Variants in SRSF4 observed in about 807,000 individuals in gnomAD.
SRSF4 encodes the protein serine and arginine rich splicing factor 4.
Under a neutral mutation model 48.8 loss-of-function variants are expected in SRSF4, and 12 were observed. The observed-to-expected ratio is 0.25, with a 90% CI of 0.16 to 0.40. SRSF4 has a LOEUF of 0.40. SRSF4 is among the 10% of genes least tolerant of loss of function. SRSF4 has a pLI of 1.00. For synonymous variants in SRSF4, 248 were observed against 232.5 expected (o/e 1.07, Z -0.61); for missense variants, 466 against 667.1 (o/e 0.70, Z 3.32).
chr1:29,167,043 C>G (rs559963948), intron 1 of SRSF4: 48 of 152,342 alleles, frequency 3.2e-4, no homozygotes, highest in African/African-American at 1.2e-3. Flanking sequence ...CTGCCAAGTT[C>G]TGCAGTTTTC....
intron 3 of SRSF4, among the ~76,000 whole-genome samples, chr1:29,158,753 TAAC>T (rs1672544286): frequency 6.6e-6 from 1 of 151,972 alleles, no homozygotes; most frequent in African/African-American, 2.4e-5. Flanking sequence ...CCAGTCGGGG[TAAC>T]ATAGTGACAA....
At chr1:29,179,509 G>A (rs753807119) in intron 1 of SRSF4, among the ~76,000 whole-genome samples, 9 of 152,076 alleles carry the variant, frequency 5.9e-5, no homozygotes, top group Non-Finnish European at 1.2e-4. Context: ...ATAGGCGAGT[G>A]TCACCACGCG....
intron 5 of SRSF4, 81 bp from the exon 6 acceptor site, chr1:29,149,307 T>A: frequency 6.8e-7 from 1 of 1,480,424 alleles, no homozygotes; most frequent in Non-Finnish European, 9.1e-7. Context: ...GGCATACATG[T>A]GGAGTTACAC....
intron 2 of SRSF4, 150 bp from the exon 3 acceptor site, chr1:29,159,636 AT>A (rs1320713059): frequency 2.1e-6 from 1 of 469,892 alleles, no homozygotes; most frequent in Admixed American, 3.8e-5. Context: ...TCTAAAATAG[AT>A]TTTTAAAGAA....
intron 1 of SRSF4, among the ~76,000 whole-genome samples, chr1:29,165,356 T>C (rs1672656318): frequency 1.3e-5 from 2 of 152,228 alleles, no homozygotes; most frequent in South Asian, 2.1e-4. Flanking sequence ...TCAGTCATAA[T>C]TCTGAAAAGG....
At chr1:29,181,259 A>C (rs1672951354) in intron 1 of SRSF4, among the ~76,000 whole-genome samples, 1 of 152,226 alleles carries the variant, frequency 6.6e-6, no homozygotes, top group African/African-American at 2.4e-5. Flanking sequence ...GTTTATTTCC[A>C]GTAGTCCTCA....
Position 29,147,771 on chromosome 1 carries a change from A to C in SRSF4, c.*639T>G, listed in dbSNP as rs1033169945. The stretch of plus-strand genomic sequence containing the variant: ...TGTCAAGCAAAAATAGTCTTTATTC[A>C]AATTTAATGGAAACAGGGGTCACTA... On this transcript the variant is annotated 3_prime_UTR_variant, in exon 6 of 6. Coordinates refer to ENST00000373795, the MANE Select transcript of SRSF4 (RefSeq NM_005626.5). 1 of 165,414 alleles carries C rather than the reference A, an allele frequency of 6.0e-6. No individual in the cohort carries two copies. The highest frequency in any genetic ancestry group is 2.4e-5 in the African/African-American group (1 of 41,606). 10.2% of individuals were successfully genotyped at this position (165,414 alleles called of 1,614,324 possible).
intron 3 of SRSF4, among the ~76,000 whole-genome samples, chr1:29,158,433 CTTT>C (rs71586891): frequency 2.1e-5 from 3 of 143,204 alleles, no homozygotes; most frequent in African/African-American, 2.6e-5. Flanking sequence ...TCTTGTAACC[CTTT>C]TTTTTTTTTT....
chr1:29,177,892 G>GAT (rs1672893491), intron 1 of SRSF4, among the ~76,000 whole-genome samples: 1 of 121,556 alleles, frequency 8.2e-6, no homozygotes, highest in African/African-American at 3.3e-5. Context: ...TATTACACAA[G>GAT]ATTTTTTTTT....
chr1:29,149,269 T>C lies in SRSF4; in HGVS notation c.669-43A>G, dbSNP rs766449509. On this transcript the variant is annotated intron_variant, in intron 5 of 5. Transcript: ENST00000373795. ...ACTGTTTGTGTCACATGTGACTTCA[T>C]GCTAATCAGGAGATAAAAAGACCAA... The C allele has an allele frequency of 3.1e-6, 5 of 1,589,754 alleles. No individual in the cohort carries two copies. The South Asian group carries it at 5.6e-5, about 18-fold the overall frequency.
chr1:29,171,970 A>G (rs1160087890), intron 1 of SRSF4: 1 of 152,244 alleles, frequency 6.6e-6, no homozygotes, highest in Non-Finnish European at 1.5e-5. Context: ...CAAGGAGTGG[A>G]GGTCTTGAAC....
At chr1:29,170,543 C>T (rs921353284) in intron 1 of SRSF4, 1 of 152,172 alleles carries the variant, frequency 6.6e-6, no homozygotes, top group Admixed American at 6.5e-5. Flanking sequence ...GGTCCCTGGG[C>T]TGGAGTCTGT....
intron 1 of SRSF4, among the ~76,000 whole-genome samples, chr1:29,167,240 G>A (rs1428597453): frequency 6.6e-6 from 1 of 152,140 alleles, no homozygotes; most frequent in Non-Finnish European, 1.5e-5. Context: ...TCTAAACCTG[G>A]AACACCTTGA....
chr1:29,179,318 A>T (rs1455896406), intron 1 of SRSF4, among the ~76,000 whole-genome samples: 3 of 152,224 alleles, frequency 2.0e-5, no homozygotes, highest in African/African-American at 7.2e-5. Context: ...TGACATTAAA[A>T]AAATATTTTT....
chr1:29,154,534 G>C, intron 4 of SRSF4, 162 bp downstream of exon 4: 1 of 694,794 alleles, frequency 1.4e-6, no homozygotes, highest in Non-Finnish European at 2.3e-6. Context: ...TGACCTAAGA[G>C]TTCAAGAGTT....
chr1:29,160,326 T>C (rs763690902), intron 2 of SRSF4, 49 bp downstream of exon 2: 24 of 1,534,598 alleles, frequency 1.6e-5, no homozygotes, highest in East Asian at 2.4e-5. Context: ...AAAATTAGCA[T>C]GATAACAAAA....
intron 1 of SRSF4, chr1:29,168,703 C>T (rs934720714): frequency 1.3e-5 from 2 of 152,148 alleles, no homozygotes; most frequent in African/African-American, 4.8e-5. Flanking sequence ...CCCATATCAA[C>T]CCCCGGAGTC....
At chr1:29,177,182 CCA>C (rs150538473) in intron 1 of SRSF4, among the ~76,000 whole-genome samples, 3,233 of 152,132 alleles carry the variant, frequency 0.021, 130 homozygotes, top group African/African-American at 0.074. Flanking sequence ...ACAAAAGTTA[CCA>C]CAGAGCTGAA....
At chr1:29,161,833 T>C (rs1672601830) in intron 1 of SRSF4, among the ~76,000 whole-genome samples, 1 of 152,218 alleles carries the variant, frequency 6.6e-6, no homozygotes, top group Non-Finnish European at 1.5e-5. Flanking sequence ...CCTCAGGTGA[T>C]TCGCCCTCCT....
Sources: gnomAD v4.1 joint callset for allele counts (sites outside exome capture counted in the v4.1 genomes callset) on GRCh38, gnomAD v4.1.1 for gene constraint, MANE v1.5 for transcripts, NCBI Gene and HGNC (gene_info 2026-07-23, HGNC 2026-07-21) for gene names.